Variants in EDIL3 observed in about 807,000 individuals in gnomAD.
EDIL3 encodes EGF-like repeat and discoidin I-like domain-containing protein 3.
A neutral mutation model predicts 67.4 loss-of-function variants in EDIL3; 37 were observed. That is an observed-to-expected ratio of 0.55 (90% CI 0.42 to 0.72). The LOEUF (loss-of-function observed/expected upper bound fraction) is 0.72, where lower values mean the gene tolerates loss of function less well. Ranked by LOEUF, EDIL3 falls within the 30% of genes least tolerant of loss-of-function variation. EDIL3 has a pLI of 0.00. For synonymous variants in EDIL3, 195 were observed against 196.3 expected, an observed-to-expected ratio of 0.99 and a Z score of 0.05; for missense variants, 527 against 586.3, an observed-to-expected ratio of 0.90 and a Z score of 1.04.
chr5:84,097,512 C>T (rs1747285267), intron 6 of EDIL3, among the ~76,000 whole-genome samples: 1 of 152,080 alleles, frequency 6.6e-6, no homozygotes, highest in Admixed American at 6.6e-5. Context: ...GAGTAGTTAG[C>T]AAACCATGTA....
At chr5:84,197,321 A>G (rs1437571925) in intron 3 of EDIL3, among the ~76,000 whole-genome samples, 1 of 152,020 alleles carries the variant, frequency 6.6e-6, no homozygotes, top group Non-Finnish European at 1.5e-5. Context: ...ATGACATCCT[A>G]GAGTAATTAA....
intron 1 of EDIL3, among the ~76,000 whole-genome samples, chr5:84,255,980 T>G (rs954632053): frequency 1.3e-5 from 2 of 152,212 alleles, no homozygotes; most frequent in Non-Finnish European, 2.9e-5. Flanking sequence ...GTGTCTAACA[T>G]TTTTAACATG....
At chr5:84,299,271 G>C (rs530484010) in intron 1 of EDIL3, among the ~76,000 whole-genome samples, 1 of 152,126 alleles carries the variant, frequency 6.6e-6, no homozygotes, top group Non-Finnish European at 1.5e-5. Context: ...TCGAAAGAAG[G>C]AGCATGGAAC....
chr5:84,236,208 A>AT (rs2112051238), intron 2 of EDIL3, among the ~76,000 whole-genome samples: 1 of 152,226 alleles, frequency 6.6e-6, no homozygotes, highest in Non-Finnish European at 1.5e-5. Context: ...TAAACTGAAC[A>AT]AAAACACGTA....
At chr5:84,371,319 GTATATATA>G (rs71607709) in intron 1 of EDIL3, among the ~76,000 whole-genome samples, 7 of 115,496 alleles carry the variant, frequency 6.1e-5, no homozygotes, top group South Asian at 5.6e-4. Flanking sequence ...TAGATAAAAA[GTATATATA>G]TATATATATA....
chr5:84,358,387 C>T (rs537493226), intron 1 of EDIL3, among the ~76,000 whole-genome samples: 1 of 152,190 alleles, frequency 6.6e-6, no homozygotes, highest in South Asian at 2.1e-4. Flanking sequence ...GCAAGAAATT[C>T]CTTTTTGCTA....
intron 9 of EDIL3, among the ~76,000 whole-genome samples, chr5:84,019,456 A>G (rs1347978738): frequency 6.6e-6 from 1 of 152,084 alleles, no homozygotes; most frequent in Non-Finnish European, 1.5e-5. Context: ...TGACAAGTTA[A>G]TGGGTGCAGC....
rs70975550 is a variant in EDIL3 at position 84,271,416 on chromosome 5, CAAATAAATAAAT to C, written c.68-17216_68-17205del. 3.7e-3 allele frequency among the ~76,000 whole-genome samples: 523 copies of C among 140,926 alleles called. 3 individuals are homozygous for C. The highest frequency in any genetic ancestry group is 8.3e-3 in the Admixed American group (116 of 14,038). 92.5% of individuals were successfully genotyped at this position (140,926 alleles called of 152,430 possible). On this transcript the variant is annotated intron_variant, in intron 1 of 10. Transcript: ENST00000296591. ...GCGACAGAGCGAGACTCTGTCTCTA[CAAATAAATAAAT>C]AAATAAATAAATAAATAAATAAATA...
rs1351943724 is a variant in EDIL3 at position 84,320,930 on chromosome 5, C to A, written c.67+63378G>T. 5.3e-5 allele frequency among the ~76,000 whole-genome samples: 8 copies of A among 152,162 alleles called. No individual in the cohort carries two copies. The East Asian group carries it at 1.4e-3, about 26-fold the overall frequency. On this transcript the variant is annotated intron_variant, in intron 1 of 10. Transcript: ENST00000296591. ...ATCTTTATCAATTTAAGAAAGAATTCCCTTTGATTTTACTTTGTGCTGAGA... is the reference window on the plus strand; with the variant it reads ...ATCTTTATCAATTTAAGAAAGAATTACCTTTGATTTTACTTTGTGCTGAGA...
intron 8 of EDIL3, among the ~76,000 whole-genome samples, chr5:84,062,453 T>A (rs1746564137): frequency 6.6e-6 from 1 of 152,106 alleles, no homozygotes; most frequent in African/African-American, 2.4e-5. Flanking sequence ...AGAAAAGGAA[T>A]GGCTTTACTT....
chr5:83,971,771 A>G (rs1043977975), intron 9 of EDIL3, among the ~76,000 whole-genome samples: 26 of 152,108 alleles, frequency 1.7e-4, no homozygotes, highest in African/African-American at 5.5e-4. Flanking sequence ...CTTACCATCT[A>G]TCAAGCAGTT....
chr5:84,146,582 C>T (rs1366364439), intron 4 of EDIL3, among the ~76,000 whole-genome samples: 1 of 152,104 alleles, frequency 6.6e-6, no homozygotes, highest in Non-Finnish European at 1.5e-5. Context: ...ATACACTTTT[C>T]CCCAATCCCT....
intron 6 of EDIL3, among the ~76,000 whole-genome samples, chr5:84,072,829 G>C (rs556614543): frequency 6.6e-6 from 1 of 152,122 alleles, no homozygotes; most frequent in African/African-American, 2.4e-5. Context: ...AGTAACAGAG[G>C]GGGTGAGAAA....
intron 1 of EDIL3, among the ~76,000 whole-genome samples, chr5:84,354,514 G>A (rs539519516): frequency 2.6e-5 from 4 of 151,884 alleles, no homozygotes; most frequent in African/African-American, 4.8e-5. Flanking sequence ...AAAATTAGCC[G>A]GGTATGGTGG....
At chr5:84,131,283 A>T (rs1469019271) in intron 5 of EDIL3, among the ~76,000 whole-genome samples, 1 of 152,196 alleles carries the variant, frequency 6.6e-6, no homozygotes, top group Non-Finnish European at 1.5e-5. Context: ...CTGCAGATAA[A>T]GAATCTGAGG....
In EDIL3 at chr5:83,963,118, C is replaced by T. The variant is rs1248446517; in HGVS notation, c.1293+87G>A. ...GTATATATGGATACTATTTTCAGTA[C>T]AGATGTATAAGCAGTTAATTCAATC... On this transcript the variant is annotated intron_variant, in intron 10 of 10. Coordinates refer to ENST00000296591, the MANE Select transcript of EDIL3 (RefSeq NM_005711.5). The T allele has an allele frequency of 2.8e-6, 4 of 1,421,694 alleles. No individual in the cohort carries two copies. In the African/African-American group the frequency reaches 5.8e-5, roughly 21 times the overall value. 88.1% of individuals were successfully genotyped at this position (1,421,694 alleles called of 1,614,324 possible).
chr5:84,300,895 C>A (rs1313750170), intron 1 of EDIL3, among the ~76,000 whole-genome samples: 1 of 151,932 alleles, frequency 6.6e-6, no homozygotes, highest in Non-Finnish European at 1.5e-5. Flanking sequence ...TTTAGGTATG[C>A]TGACTCCAAG....
chr5:84,064,390 C>G (rs771612555), intron 8 of EDIL3, among the ~76,000 whole-genome samples: 26 of 152,130 alleles, frequency 1.7e-4, no homozygotes, highest in South Asian at 4.1e-4. Context: ...ACATAGATCA[C>G]AGTTATTATG....
intron 2 of EDIL3, among the ~76,000 whole-genome samples, chr5:84,246,240 G>T (rs1744907297): frequency 6.6e-6 from 1 of 152,196 alleles, no homozygotes; most frequent in Non-Finnish European, 1.5e-5. Flanking sequence ...CCCCTCAAAA[G>T]TGTTGTTAGC....
Sources: gnomAD v4.1 joint callset for allele counts (sites outside exome capture counted in the v4.1 genomes callset) on GRCh38, gnomAD v4.1.1 for gene constraint, MANE v1.5 for transcripts, NCBI Gene and HGNC (gene_info 2026-07-23, HGNC 2026-07-21) for gene names.